The following CCDC171 variants were observed in gnomAD, a reference collection of about 807,000 sequenced individuals.
CCDC171 encodes coiled-coil domain containing 171, also known as coiled-coil domain-containing protein 171.
CCDC171 carries 177 observed loss-of-function variants against 168.2 expected under a neutral mutation model. That is an observed-to-expected ratio of 1.05 (90% CI 0.93 to 1.19). The LOEUF (loss-of-function observed/expected upper bound fraction) is 1.19. CCDC171 is among the 50% of genes most tolerant of loss of function. CCDC171 has a pLI of 0.00. For synonymous variants in CCDC171, 687 were observed against 540.8 expected (o/e 1.27, Z -3.75); for missense variants, 1,991 against 1,539.0 (o/e 1.29, Z -4.91).
At chr9:16,090,103 A>G in the CCDC171 span, among the ~76,000 whole-genome samples, 3 of 152,214 alleles carry the variant, frequency 2.0e-5, no homozygotes, top group African/African-American at 4.8e-5. Context: ...TCATTCTACT[A>G]TAAAGACACA....
intron 21 of CCDC171, among the ~76,000 whole-genome samples, chr9:15,822,334 G>A (rs2059812565): frequency 6.6e-6 from 1 of 151,074 alleles, no homozygotes; most frequent in Non-Finnish European, 1.5e-5. Flanking sequence ...TTGACAAAGG[G>A]GATCTAATTA....
At chr9:15,919,247 A>G (rs148110771) in intron 24 of CCDC171, among the ~76,000 whole-genome samples, 186 of 151,730 alleles carry the variant, frequency 1.2e-3, no homozygotes, top group African/African-American at 4.2e-3. Flanking sequence ...CTTACCTGCA[A>G]GTAACTAACT....
chr9:15,761,828 T>C (rs1048197941), intron 18 of CCDC171, among the ~76,000 whole-genome samples: 1 of 152,074 alleles, frequency 6.6e-6, no homozygotes, highest in Non-Finnish European at 1.5e-5. Context: ...CACTTTCACA[T>C]TTTGCCATAT....
intron 14 of CCDC171, among the ~76,000 whole-genome samples, chr9:15,727,314 GT>G (rs1270728288): frequency 6.6e-6 from 1 of 152,136 alleles, no homozygotes; most frequent in Non-Finnish European, 1.5e-5. Flanking sequence ...TTTCCTATAA[GT>G]AGTAAGTAAA....
intron 7 of CCDC171, among the ~76,000 whole-genome samples, chr9:15,626,565 A>G (rs1008793289): frequency 6.6e-6 from 1 of 152,184 alleles, no homozygotes; most frequent in East Asian, 1.9e-4. Context: ...GCATCTGTTG[A>G]GATAATCATG....
intron 3 of CCDC171, among the ~76,000 whole-genome samples, chr9:15,990,381 T>A (rs7024554): frequency 0.85 from 129,670 of 152,118 alleles, 55,295 homozygotes; most frequent in East Asian, 0.96. Context: ...ATGCTGAGAG[T>A]TTTTGTCACC....
chr9:16,024,259 C>T (rs150103457), intron 6 of CCDC171, among the ~76,000 whole-genome samples: 1 of 152,142 alleles, frequency 6.6e-6, no homozygotes, highest in Non-Finnish European at 1.5e-5. Flanking sequence ...AGTAAACTTA[C>T]AGTAATTTGT....
At chr9:15,873,455 C>A (rs1481401410) in intron 23 of CCDC171, among the ~76,000 whole-genome samples, 2 of 151,970 alleles carry the variant, frequency 1.3e-5, no homozygotes, top group African/African-American at 2.4e-5. Context: ...TTGACCTTCG[C>A]TACCTGATAA....
At chr9:15,580,660 C>A (rs1008980351) in intron 4 of CCDC171, among the ~76,000 whole-genome samples, 3 of 152,026 alleles carry the variant, frequency 2.0e-5, no homozygotes, top group Non-Finnish European at 2.9e-5. Context: ...CAGGGACATG[C>A]AAGTCAAAAG....
chr9:15,848,448 A>G (rs1432639072), intron 22 of CCDC171, among the ~76,000 whole-genome samples: 3 of 151,936 alleles, frequency 2.0e-5, no homozygotes, highest in Admixed American at 1.3e-4. Flanking sequence ...GTGGAAAGGA[A>G]AATACTATTT....
In CCDC171 at chr9:15,987,593, T is replaced by C. The variant is rs749130341; in HGVS notation, n.369-32996T>C. Among the ~76,000 whole-genome samples the C allele has an allele frequency of 4.1e-4, 62 of 152,186 alleles. 1 individual carries two copies. The highest frequency in any genetic ancestry group is 1.3e-4 in the Admixed American group (2 of 15,282). ...GCAGTAGCCAAATCCTGAAGATAAA[T>C]GTTCTTCAATGGCATGACTTGTTAA... is the stretch of plus-strand genomic sequence containing the variant. On this transcript the variant is annotated intron_variant and non_coding_transcript_variant, in intron 3 of 9. Transcript: ENST00000486641.
At chr9:15,639,847 A>T (rs976997583) in intron 7 of CCDC171, among the ~76,000 whole-genome samples, 1 of 152,196 alleles carries the variant, frequency 6.6e-6, no homozygotes, top group Non-Finnish European at 1.5e-5. Context: ...TTGGCCATTA[A>T]TAAAACAGTT....
At chr9:15,680,444 C>G (rs1304661449) in intron 10 of CCDC171, among the ~76,000 whole-genome samples, 3 of 152,148 alleles carry the variant, frequency 2.0e-5, no homozygotes, top group Non-Finnish European at 4.4e-5. Context: ...AAGGTGGACC[C>G]TGGGTTATAC....
At position 15,724,771 on chromosome 9, in the gene CCDC171, G is replaced by C; in HGVS notation, c.1492-5G>C. 1 of 1,609,190 alleles carries C rather than the reference G, an allele frequency of 6.2e-7. No homozygotes were observed. Among genetic ancestry groups the C allele is most frequent in the Non-Finnish European group, 8.5e-7 (1 of 1,176,158 alleles). ...TACAATCTCTTTATTTGGTATCTAT[G>C]ACAGGAACTTCAGGATAAACTGGCT... is the stretch of plus-strand genomic sequence containing the variant. On this transcript the variant is annotated splice_region_variant and splice_polypyrimidine_tract_variant and intron_variant, in intron 13 of 25. Coordinates refer to ENST00000380701, the MANE Select transcript of CCDC171 (RefSeq NM_173550.4).
intron 23 of CCDC171, among the ~76,000 whole-genome samples, chr9:15,851,481 A>T (rs950689376): frequency 6.6e-6 from 1 of 151,930 alleles, no homozygotes; most frequent in Non-Finnish European, 1.5e-5. Flanking sequence ...AACGAGAAGA[A>T]ACAAAATCAT....
In CCDC171 at chr9:15,744,326, G is replaced by T; in HGVS notation, c.2103G>T (p.Lys701Asn). The T allele has an allele frequency of 6.2e-7, 1 of 1,611,584 alleles. No homozygotes were observed. The highest frequency in any genetic ancestry group is 1.3e-5 in the African/African-American group (1 of 74,938). Residue 701 changes from lysine to asparagine, a missense_variant, in exon 17 of 26, where the codon AAG becomes AAT. Physicochemically the swap from Lys to Asn is moderately conservative, Grantham distance 94. Coordinates refer to ENST00000380701, the MANE Select transcript of CCDC171 (RefSeq NM_173550.4). Reference sequence around the variant, plus strand: ...TGGAAAAATTGAACCATATTGAGAAGTCACATGAACAGTTGGTTCTTGAAA... The same window carrying T: ...TGGAAAAATTGAACCATATTGAGAATTCACATGAACAGTTGGTTCTTGAAA... ...KNMEKLNHIEKSHEQLVLENS... is the reference protein window; with the variant it reads ...KNMEKLNHIENSHEQLVLENS...
intron 6 of CCDC171, chr9:16,035,352 C>T (rs1312001302): frequency 2.0e-5 from 3 of 152,194 alleles, no homozygotes; most frequent in African/African-American, 7.2e-5. Flanking sequence ...TTCTTTCCCC[C>T]TAAATCTCTT....
intron 1 of CCDC171, among the ~76,000 whole-genome samples, chr9:16,057,749 A>T (rs1833864484): frequency 6.6e-6 from 1 of 152,132 alleles, no homozygotes; most frequent in Non-Finnish European, 1.5e-5. Flanking sequence ...CACATCCAGC[A>T]GTTTAGGTTT....
At chr9:15,947,536 C>A (rs1828553175) in intron 25 of CCDC171, among the ~76,000 whole-genome samples, 1 of 152,026 alleles carries the variant, frequency 6.6e-6, no homozygotes, top group Non-Finnish European at 1.5e-5. Context: ...CATATATCAG[C>A]ATTTCCTTCT....
Sources: allele counts gnomAD v4.1 joint callset (sites outside exome capture counted in the v4.1 genomes callset), GRCh38; gene constraint gnomAD v4.1.1; transcripts MANE v1.5; gene names NCBI Gene and HGNC (gene_info 2026-07-23, HGNC 2026-07-21).